RABGAP1L: variants seen among roughly 807,000 people sequenced by gnomAD.
The protein encoded by RABGAP1L is RAB GTPase activating protein 1 like.
Under a neutral mutation model 137.7 loss-of-function variants are expected in RABGAP1L, and 63 were observed. The ratio of observed to expected loss-of-function variants is 0.46; its 90% CI spans 0.37 to 0.56. The LOEUF (loss-of-function observed/expected upper bound fraction) is 0.56, where lower values mean the gene tolerates loss of function less well. RABGAP1L is among the 20% of genes least tolerant of loss of function. The pLI, the probability that RABGAP1L is intolerant of heterozygous loss-of-function variation, is 0.00. For synonymous variants in RABGAP1L, 431 were observed against 433.7 expected, an observed-to-expected ratio of 0.99 and a Z score of 0.08; for missense variants, 1,095 against 1,244.0, an observed-to-expected ratio of 0.88 and a Z score of 1.80.
chr1:174,768,038 A>G (rs1260030973), intron 18 of RABGAP1L, among the ~76,000 whole-genome samples: 1 of 152,186 alleles, frequency 6.6e-6, no homozygotes, highest in East Asian at 1.9e-4. Context: ...CCCTCCCACA[A>G]CACATGGGAA....
At chr1:174,599,341 GA>G (rs1670242271) in intron 13 of RABGAP1L, among the ~76,000 whole-genome samples, 1 of 151,996 alleles carries the variant, frequency 6.6e-6, no homozygotes, top group African/African-American at 2.4e-5. Flanking sequence ...TTTATCTTTT[GA>G]TCTTTATATG....
intron 5 of RABGAP1L, among the ~76,000 whole-genome samples, chr1:174,247,783 CAT>C (rs1558068089): frequency 6.6e-6 from 1 of 152,188 alleles, no homozygotes; most frequent in African/African-American, 2.4e-5. Flanking sequence ...GCAAATCAGA[CAT>C]CACGTCCTCC....
At chr1:174,753,938 T>G (rs1224996006) in intron 18 of RABGAP1L, among the ~76,000 whole-genome samples, 3 of 152,244 alleles carry the variant, frequency 2.0e-5, no homozygotes, top group Admixed American at 1.3e-4. Flanking sequence ...ATGCTTAATC[T>G]GTCTTTTGAG....
At chr1:174,468,994 C>T (rs1657609234) in intron 13 of RABGAP1L, among the ~76,000 whole-genome samples, 1 of 152,096 alleles carries the variant, frequency 6.6e-6, no homozygotes, top group Non-Finnish European at 1.5e-5. Context: ...TATGTTTTTC[C>T]TGCTCTGAAT....
At chr1:174,413,121 A>T (rs934424867) in intron 13 of RABGAP1L, among the ~76,000 whole-genome samples, 2 of 152,142 alleles carry the variant, frequency 1.3e-5, no homozygotes, top group Non-Finnish European at 1.5e-5. Context: ...GTCATTTTAC[A>T]TAATCCTATT....
intron 13 of RABGAP1L, among the ~76,000 whole-genome samples, chr1:174,630,473 G>C: frequency 3.1e-5 from 3 of 96,602 alleles, no homozygotes; most frequent in East Asian, 2.7e-4. Context: ...AATGGTACCA[G>C]TTCCTCCTTG....
intron 13 of RABGAP1L, among the ~76,000 whole-genome samples, chr1:174,521,958 A>C (rs1553321144): frequency 6.6e-6 from 1 of 152,170 alleles, no homozygotes; most frequent in Non-Finnish European, 1.5e-5. Flanking sequence ...GCGCACCTGT[A>C]ATCTCAGCTA....
intron 14 of RABGAP1L, among the ~76,000 whole-genome samples, chr1:174,646,215 A>C (rs970346469): frequency 6.6e-6 from 1 of 152,122 alleles, no homozygotes; most frequent in African/African-American, 2.4e-5. Context: ...CTTTCATTTA[A>C]TTAGATCCCA....
intron 19 of RABGAP1L, among the ~76,000 whole-genome samples, chr1:174,859,993 C>G (rs1650019548): frequency 7.4e-6 from 1 of 135,942 alleles, no homozygotes; most frequent in South Asian, 2.3e-4. Flanking sequence ...AAAGTAAGAG[C>G]CTCACTATCT....
Position 174,973,400 on chromosome 1 carries a change from T to C in RABGAP1L, c.2545-2678T>C, listed in dbSNP as rs1364970184. ...CTTTCATTTCTTTTTTTTTTTTTTT[T>C]CTTTGAGACAGTCTAGCCCTGTAGT... is the stretch of plus-strand genomic sequence containing the variant. On this transcript the variant is annotated intron_variant, in intron 21 of 25. Transcript: ENST00000681986. Among the ~76,000 whole-genome samples, 10 of 149,912 alleles carry C rather than the reference T, an allele frequency of 6.7e-5. No individual in the cohort carries two copies. In the East Asian group the frequency reaches 1.5e-3, roughly 23 times the overall value.
chr1:174,319,152 A>G (rs1425767725), intron 11 of RABGAP1L, among the ~76,000 whole-genome samples: 1 of 152,000 alleles, frequency 6.6e-6, no homozygotes, highest in Non-Finnish European at 1.5e-5. Context: ...CTTTTCTTTC[A>G]GGTTGAAGAA....
At chr1:174,181,207 TA>T (rs1228080358) in intron 1 of RABGAP1L, among the ~76,000 whole-genome samples, 2 of 152,310 alleles carry the variant, frequency 1.3e-5, no homozygotes, top group Non-Finnish European at 2.9e-5. Context: ...GGTCTTGCTG[TA>T]TTGTCCAGGT....
intron 13 of RABGAP1L, among the ~76,000 whole-genome samples, chr1:174,401,933 C>T (rs1648638973): frequency 6.6e-6 from 1 of 152,110 alleles, no homozygotes; most frequent in African/African-American, 2.4e-5. Context: ...GTGAAAGGTC[C>T]TGCCATGGTC....
chr1:174,321,278 G>A (rs1224566675), intron 11 of RABGAP1L, among the ~76,000 whole-genome samples: 6 of 152,130 alleles, frequency 3.9e-5, no homozygotes, highest in Non-Finnish European at 7.4e-5. Context: ...AACTTCATTA[G>A]CAATTTTAAT....
intron 1 of RABGAP1L, among the ~76,000 whole-genome samples, chr1:174,199,715 T>G (rs1394849204): frequency 6.6e-6 from 1 of 152,246 alleles, no homozygotes; most frequent in East Asian, 1.9e-4. Flanking sequence ...AACGGTCTTT[T>G]GAAAATCTTA....
intron 11 of RABGAP1L, among the ~76,000 whole-genome samples, chr1:174,332,544 C>T (rs1440500822): frequency 6.6e-6 from 1 of 152,026 alleles, no homozygotes; most frequent in East Asian, 1.9e-4. Flanking sequence ...TACAGATGTG[C>T]ACCACCACGC....
chr1:174,390,436 G>T (rs1162688385), intron 12 of RABGAP1L, among the ~76,000 whole-genome samples: 1 of 152,188 alleles, frequency 6.6e-6, no homozygotes, highest in African/African-American at 2.4e-5. Flanking sequence ...GTGTATGCAT[G>T]TGTAGGAAGA....
intron 1 of RABGAP1L, among the ~76,000 whole-genome samples, chr1:174,212,114 T>C (rs542673795): frequency 6.6e-6 from 1 of 152,244 alleles, no homozygotes; most frequent in Admixed American, 6.5e-5. Context: ...TAATGTGCCT[T>C]ATAGACCAAA....
At chr1:174,302,450 A>T (rs904559953) in intron 10 of RABGAP1L, among the ~76,000 whole-genome samples, 2 of 152,240 alleles carry the variant, frequency 1.3e-5, no homozygotes, top group Non-Finnish European at 2.9e-5. Flanking sequence ...AGTTAGAATG[A>T]ATTGAGAGGA....
Sources: gnomAD v4.1 joint callset for allele counts (sites outside exome capture counted in the v4.1 genomes callset) on GRCh38, gnomAD v4.1.1 for gene constraint, MANE v1.5 for transcripts, NCBI Gene and HGNC (gene_info 2026-07-23, HGNC 2026-07-21) for gene names.